The following ANKFY1 variants were observed in gnomAD, a reference collection of about 807,000 sequenced individuals.
ANKFY1 encodes ankyrin repeat and FYVE domain-containing protein 1.
A neutral mutation model predicts 128.3 loss-of-function variants in ANKFY1; 47 were observed. That is an observed-to-expected ratio of 0.37 (90% CI 0.29 to 0.47). The LOEUF (loss-of-function observed/expected upper bound fraction) is 0.47, where lower values mean the gene tolerates loss of function less well. ANKFY1 is among the 20% of genes least tolerant of loss of function. The pLI, the probability that ANKFY1 is intolerant of heterozygous loss-of-function variation, is 1.00. For synonymous variants in ANKFY1, 553 were observed against 601.6 expected, an observed-to-expected ratio of 0.92 and a Z score of 1.18; for missense variants, 1,222 against 1,510.6, an observed-to-expected ratio of 0.81 and a Z score of 3.17.
rs1043711409 is a variant in ANKFY1 at position 4,166,395 on chromosome 17, G to A, written c.*1384C>T. The A allele has an allele frequency of 6.6e-6, 1 of 152,662 alleles. No homozygotes were observed. 9.5% of individuals were successfully genotyped at this position (152,662 alleles called of 1,614,324 possible). A position where few individuals can be genotyped will look rare whatever the true frequency, so the allele number is the denominator to read the frequency against. On this transcript the variant is annotated 3_prime_UTR_variant, in exon 25 of 25. Coordinates refer to ENST00000341657, the MANE Select transcript of ANKFY1 (RefSeq NM_001330063.2). ...TGTATGATTGAGATTGTTAATCTCTGAGTATAACACATATTGTTCATCTCA... is the reference window on the plus strand; with the variant it reads ...TGTATGATTGAGATTGTTAATCTCTAAGTATAACACATATTGTTCATCTCA...
chr17:4,245,017 C>A (rs944312246), intron 1 of ANKFY1, among the ~76,000 whole-genome samples: 7 of 152,110 alleles, frequency 4.6e-5, no homozygotes, highest in African/African-American at 9.7e-5. Context: ...TCACCTATGA[C>A]CCTCTAGTTG....
chr17:4,198,426 C>T (rs1317194410), intron 7 of ANKFY1, among the ~76,000 whole-genome samples: 2 of 151,118 alleles, frequency 1.3e-5, no homozygotes, highest in Non-Finnish European at 2.9e-5. Flanking sequence ...GGCTGGAGTG[C>T]CGTGGTGCAA....
At chr17:4,194,893 C>T in intron 10 of ANKFY1, 85 bp downstream of exon 10, 1 of 1,317,990 alleles carries the variant, frequency 7.6e-7, no homozygotes, top group South Asian at 1.2e-5. Context: ...CGTTCAGTTT[C>T]TAAATTTGGG....
chr17:4,175,484 G>C (rs985175440), intron 19 of ANKFY1, among the ~76,000 whole-genome samples: 1 of 152,176 alleles, frequency 6.6e-6, no homozygotes, highest in Non-Finnish European at 1.5e-5. Context: ...AACAATCGCT[G>C]TAAACAGAAA....
intron 4 of ANKFY1, among the ~76,000 whole-genome samples, chr17:4,210,915 C>T (rs1301230077): frequency 6.6e-6 from 1 of 151,444 alleles, no homozygotes; most frequent in Non-Finnish European, 1.5e-5. Flanking sequence ...GCCTGTAGTC[C>T]CAGCTACTCA....
Position 4,185,102 on chromosome 17 carries a change from G to A in ANKFY1, c.1471-56C>T. 3.3e-6 allele frequency: 5 copies of A among 1,515,164 alleles called. No homozygotes were observed. The Admixed American group carries it at 7.5e-5, about 23-fold the overall frequency. 93.9% of individuals were successfully genotyped at this position (1,515,164 alleles called of 1,614,324 possible). ...CACTCACAGGAATTCCCTTCACAAA[G>A]AGCGTGGCAGCCTAAGTGCAAAACC... On this transcript the variant is annotated intron_variant, in intron 11 of 24. Coordinates refer to ENST00000341657, the MANE Select transcript of ANKFY1 (RefSeq NM_001330063.2).
At position 4,165,005 on chromosome 17, in the gene ANKFY1, C is replaced by T. The variant is rs2059186555; in HGVS notation, c.*2774G>A. The T allele has an allele frequency of 6.6e-6, 1 of 152,600 alleles. No individual in the cohort carries two copies. The allele number at this position is 152,600 out of a possible 1,614,324, so 9.5% of individuals were successfully genotyped here. ...CACAGGCCCAAAACTCCAAATGGAA[C>T]ACATGTTCTAACACATCGTTCAGTG... On this transcript the variant is annotated 3_prime_UTR_variant, in exon 25 of 25. Coordinates refer to ENST00000341657, the MANE Select transcript of ANKFY1 (RefSeq NM_001330063.2).
chr17:4,182,051 A>G, intron 15 of ANKFY1, 130 bp downstream of exon 15: 4 of 986,614 alleles, frequency 4.1e-6, no homozygotes, highest in Non-Finnish European at 5.5e-6. Flanking sequence ...CATGCTTTCA[A>G]CTGCTTGTCC....
At chr17:4,215,310 G>C (rs991194917) in intron 4 of ANKFY1, among the ~76,000 whole-genome samples, 4 of 144,200 alleles carry the variant, frequency 2.8e-5, no homozygotes, top group African/African-American at 1.0e-4. Context: ...AAAAAATTAA[G>C]AGTATTTTCT....
chr17:4,194,884 G>T, intron 10 of ANKFY1, 94 bp downstream of exon 10: 1 of 1,157,466 alleles, frequency 8.6e-7, no homozygotes, highest in Non-Finnish European at 1.3e-6. Flanking sequence ...ATAGTATGCC[G>T]TTCAGTTTCT....
At position 4,172,766 on chromosome 17, in the gene ANKFY1, G is replaced by A. The variant is rs2059344515; in HGVS notation, c.3015-86C>T. ...AATAGAATTTTCTGAACTCTGTGAT[G>A]GTGGATAAATCTAAAAGACACAAAA... is the stretch of plus-strand genomic sequence containing the variant. On this transcript the variant is annotated intron_variant, in intron 21 of 24. Transcript: ENST00000341657. 29 of 1,513,694 alleles carry A rather than the reference G, an allele frequency of 1.9e-5. 1 individual carries two copies. In the South Asian group the frequency reaches 2.2e-4, roughly 11 times the overall value. 93.8% of individuals were successfully genotyped at this position (1,513,694 alleles called of 1,614,324 possible). A position where few individuals can be genotyped will look rare whatever the true frequency, so the allele number is the denominator to read the frequency against.
chr17:4,176,983 T>A (rs2059421058), intron 19 of ANKFY1, 143 bp downstream of exon 19: 6 of 853,216 alleles, frequency 7.0e-6, no homozygotes, highest in African/African-American at 3.5e-5. Context: ...TGACACCAGT[T>A]TCCTGAGTGC....
chr17:4,217,542 G>A (rs1199727344), intron 3 of ANKFY1, among the ~76,000 whole-genome samples: 3 of 152,012 alleles, frequency 2.0e-5, no homozygotes, highest in Admixed American at 6.5e-5. Context: ...GGGAGACTCC[G>A]TCTCAAAAAA....
At chr17:4,243,474 G>A (rs1355039403) in intron 1 of ANKFY1, among the ~76,000 whole-genome samples, 2 of 152,104 alleles carry the variant, frequency 1.3e-5, no homozygotes, top group African/African-American at 4.8e-5. Context: ...TGGGACCACA[G>A]GCACATCCCA....
At chr17:4,222,924 C>T in intron 3 of ANKFY1, 1 of 1,252,584 alleles carries the variant, frequency 8.0e-7, no homozygotes, top group Non-Finnish European at 1.2e-6. Context: ...CTCAGGTTAT[C>T]CTACCTTGCG....
At chr17:4,235,159 A>G (rs1471121578) in intron 3 of ANKFY1, among the ~76,000 whole-genome samples, 3 of 152,092 alleles carry the variant, frequency 2.0e-5, no homozygotes, top group African/African-American at 7.2e-5. Context: ...TCTGGCCAAC[A>G]TGGTAAAACC....
intron 1 of ANKFY1, among the ~76,000 whole-genome samples, chr17:4,251,817 T>G (rs1967847764): frequency 6.6e-6 from 1 of 152,060 alleles, no homozygotes; most frequent in Non-Finnish European, 1.5e-5. Context: ...GATGGATCAC[T>G]TGAGGTCAGG....
rs757263044 is a variant in ANKFY1 at position 4,242,382 on chromosome 17, T to C, written c.77A>G (p.Lys26Arg). 6.2e-7 allele frequency: 1 copy of C among 1,604,906 alleles called. No homozygotes were observed. Among genetic ancestry groups the C allele is most frequent in the Non-Finnish European group, 8.5e-7 (1 of 1,176,284 alleles). The change falls in exon 2 of 25, where the codon AAG becomes AGG. Residue 26 changes from lysine to arginine, a missense_variant. Physicochemically the swap from Lys to Arg is conservative, Grantham distance 26 (BLOSUM62 2). Coordinates refer to ENST00000341657, the MANE Select transcript of ANKFY1 (RefSeq NM_001330063.2). ...LRQEYVKLQKKLAETEKRCAL... is the reference protein window; with the variant it reads ...LRQEYVKLQKRLAETEKRCAL... ...GCAGCGCTTCTCTGTCTCCGCCAGC[T>C]TCTTCTGCAGCTTGACATACTCCTG...
At chr17:4,173,475 C>CCTT in intron 20 of ANKFY1, 31 bp from the exon 21 acceptor site, 3 of 1,603,968 alleles carry the variant, frequency 1.9e-6, no homozygotes, top group Non-Finnish European at 2.6e-6. Context: ...CTATGCAAGC[C>CCTT]CAGAAGCACA....
Sources: gnomAD v4.1 joint callset for allele counts (sites outside exome capture counted in the v4.1 genomes callset) on GRCh38, gnomAD v4.1.1 for gene constraint, MANE v1.5 for transcripts, NCBI Gene and HGNC (gene_info 2026-07-23, HGNC 2026-07-21) for gene names.